The following THSD4 variants were observed in gnomAD, a reference collection of about 807,000 sequenced individuals.
The protein encoded by THSD4 is thrombospondin type-1 domain-containing protein 4.
In THSD4, 69 loss-of-function variants were observed where a neutral mutation model predicts 119.0. The observed-to-expected ratio is 0.58, with a 90% CI of 0.48 to 0.71. The LOEUF (loss-of-function observed/expected upper bound fraction) is 0.71. Among genes scored for constraint, THSD4 ranks in the 30% least tolerant of loss-of-function variants. The pLI is 0.00. For synonymous variants in THSD4, 524 were observed against 540.4 expected, an observed-to-expected ratio of 0.97 and a Z score of 0.42; for missense variants, 1,393 against 1,391.1, an observed-to-expected ratio of 1.00 and a Z score of -0.02.
chr15:71,705,002 C>A (rs1439287069), intron 8 of THSD4, among the ~76,000 whole-genome samples: 1 of 152,120 alleles, frequency 6.6e-6, no homozygotes, highest in Non-Finnish European at 1.5e-5. Context: ...ATGAAGTGAT[C>A]AAGGGTGGAG....
Position 71,426,039 on chromosome 15 carries a change from C to T in THSD4, c.1152+14216C>T, listed in dbSNP as rs575775037. On this transcript the variant is annotated intron_variant, in intron 7 of 17. Transcript: ENST00000261862. Reference sequence around the variant, plus strand: ...GTGTGAGTGCATGCTCCCATGGTGCCTTCTGGTGAAGGGAAAGAAGCCGCC... The same window carrying T: ...GTGTGAGTGCATGCTCCCATGGTGCTTTCTGGTGAAGGGAAAGAAGCCGCC... Among the ~76,000 whole-genome samples the T allele has an allele frequency of 4.4e-3, 677 of 152,244 alleles. 5 individuals are homozygous for T. The highest frequency in any genetic ancestry group is 0.02 in the Middle Eastern group (6 of 294).
chr15:71,582,352 ATTTG>A (rs1384407352), intron 7 of THSD4, among the ~76,000 whole-genome samples: 2 of 152,090 alleles, frequency 1.3e-5, no homozygotes, highest in African/African-American at 4.8e-5. Flanking sequence ...ACTTTATTGA[ATTTG>A]TTTATTAGTT....
chr15:71,373,749 A>C (rs994699419), intron 6 of THSD4, among the ~76,000 whole-genome samples: 3 of 152,150 alleles, frequency 2.0e-5, no homozygotes, highest in Non-Finnish European at 2.9e-5. Context: ...TCTGCTTCCA[A>C]AATCTGTGAC....
At chr15:71,330,687 A>G (rs1435606015) in intron 6 of THSD4, among the ~76,000 whole-genome samples, 2 of 152,102 alleles carry the variant, frequency 1.3e-5, no homozygotes, top group African/African-American at 4.8e-5. Context: ...GCCCCTCTCA[A>G]TTCTTCCAGG....
chr15:71,280,295 C>T (rs1214641200), intron 6 of THSD4, among the ~76,000 whole-genome samples: 1 of 152,118 alleles, frequency 6.6e-6, no homozygotes, highest in Non-Finnish European at 1.5e-5. Context: ...GGGCCTCAAA[C>T]AGGAGGCTAA....
At chr15:71,690,052 A>AT (rs1380796089) in intron 8 of THSD4, among the ~76,000 whole-genome samples, 2 of 152,120 alleles carry the variant, frequency 1.3e-5, no homozygotes, top group African/African-American at 4.8e-5. Flanking sequence ...TCCAATTAAG[A>AT]TTTTTTATCC....
intron 6 of THSD4, among the ~76,000 whole-genome samples, chr15:71,395,228 G>T (rs1222809202): frequency 1.3e-5 from 2 of 152,146 alleles, no homozygotes; most frequent in African/African-American, 4.8e-5. Flanking sequence ...AAAGTCACTT[G>T]TTAGTGGGTT....
intron 7 of THSD4, among the ~76,000 whole-genome samples, chr15:71,452,520 CA>C (rs71281967): frequency 0.12 from 9,294 of 78,996 alleles, 311 homozygotes; most frequent in Non-Finnish European, 0.13. Flanking sequence ...TCCCCTCCAC[CA>C]AAAAAAAAAA....
chr15:71,115,862 C>A lies in THSD4; in HGVS notation c.-80+164C>A, dbSNP rs1174342387. ...GCGCCGCGGGCTGCGCCGCTCCGGG[C>A]TCGGGGAGCCAGCGCGCGCCTGGTC... On this transcript the variant is annotated intron_variant, in intron 1 of 17. Transcript: ENST00000261862. The surrounding 1 kb of genome is among the most constrained non-coding windows in gnomAD (Gnocchi z 4.4). Among the ~76,000 whole-genome samples, 3 of 151,888 alleles carry A rather than the reference C, an allele frequency of 2.0e-5. No homozygotes were observed. Among genetic ancestry groups the A allele is most frequent in the African/African-American group, 4.8e-5 (2 of 41,424 alleles).
chr15:71,385,427 G>C lies in THSD4; in HGVS notation c.1016-26260G>C, dbSNP rs1243828661. The stretch of plus-strand genomic sequence containing the variant: ...TAAGAGTTTAATAGAGCAAAGAACA[G>C]TTTGTGAATCGGGTAGCCCTCAGAA... On this transcript the variant is annotated intron_variant, in intron 6 of 17. Coordinates refer to ENST00000261862, the MANE Select transcript of THSD4 (RefSeq NM_024817.3). Among the ~76,000 whole-genome samples the C allele has an allele frequency of 3.3e-5, 5 of 152,190 alleles. No individual in the cohort carries two copies. The East Asian group carries it at 7.7e-4, about 23-fold the overall frequency.
At chr15:71,654,600 C>A (rs2140986120) in intron 7 of THSD4, among the ~76,000 whole-genome samples, 1 of 152,288 alleles carries the variant, frequency 6.6e-6, no homozygotes, top group South Asian at 2.1e-4. Context: ...ACATGCCTAA[C>A]AGTAATAACA....
rs2052910773 is a variant in THSD4, at chr15:71,728,589, C to A, written c.1398C>A (p.Asn466Lys). The part of the protein sequence containing the change: ...SRSGRSIING[N>K]WAIDRPGKYE... ...CTGGACGCTCCATCATCAATGGGAA[C>A]TGGGCAATTGATCGACCAGGAAAAT... The change falls in exon 9 of 18, where the codon AAC becomes AAA. Residue 466 changes from asparagine (N) to lysine (K), a missense_variant. By Grantham distance (94) the Asn-to-Lys change is moderately conservative. Transcript: ENST00000261862. 2 of 1,614,108 alleles carry A rather than the reference C, an allele frequency of 1.2e-6. No individual in the cohort carries two copies. The highest frequency in any genetic ancestry group is 1.7e-6 in the Non-Finnish European group (2 of 1,180,054).
At chr15:71,670,320 A>G (rs1443614494) in intron 8 of THSD4, among the ~76,000 whole-genome samples, 1 of 151,976 alleles carries the variant, frequency 6.6e-6, no homozygotes, top group Non-Finnish European at 1.5e-5. Flanking sequence ...TATGAGTAAG[A>G]ACATGCGGTG....
chr15:71,346,618 A>C (rs1014556992), intron 6 of THSD4, among the ~76,000 whole-genome samples: 1 of 152,138 alleles, frequency 6.6e-6, no homozygotes, highest in African/African-American at 2.4e-5. Context: ...CCATTTTTCC[A>C]AGGAGCCCTC....
chr15:71,473,216 C>A (rs2047608638), intron 7 of THSD4, among the ~76,000 whole-genome samples: 1 of 152,056 alleles, frequency 6.6e-6, no homozygotes, highest in Non-Finnish European at 1.5e-5. Flanking sequence ...CACTACCACA[C>A]CTGGCTAATT....
intron 7 of THSD4, among the ~76,000 whole-genome samples, chr15:71,524,253 C>G (rs1567020591): frequency 6.6e-6 from 1 of 152,224 alleles, no homozygotes; most frequent in Non-Finnish European, 1.5e-5. Context: ...CAGGGACTGA[C>G]ACCAGTAACT....
At position 71,778,793 on chromosome 15, in the gene THSD4, T is replaced by C. The variant is rs1319087272; in HGVS notation, c.*1419T>C. The C allele has an allele frequency of 6.6e-6, 1 of 152,092 alleles. No homozygotes were observed. Among genetic ancestry groups the C allele is most frequent in the Non-Finnish European group, 1.5e-5 (1 of 68,080 alleles). The allele number at this position is 152,092 out of a possible 1,614,324, so 9.4% of individuals were successfully genotyped here. On this transcript the variant is annotated 3_prime_UTR_variant, in exon 18 of 18. Transcript: ENST00000261862. ...CCCTTCCCCATCTCTTCCAATTCAC[T>C]TTCCCCAACTATCCAGTTCCAGAGG...
chr15:71,371,373 T>G (rs1465414700), intron 6 of THSD4, among the ~76,000 whole-genome samples: 1 of 152,222 alleles, frequency 6.6e-6, no homozygotes, highest in African/African-American at 2.4e-5. Flanking sequence ...CTTCCTAGCA[T>G]CGATGGTCTT....
At chr15:71,697,908 A>T (rs2052198076) in intron 8 of THSD4, among the ~76,000 whole-genome samples, 1 of 149,378 alleles carries the variant, frequency 6.7e-6, no homozygotes, top group South Asian at 2.1e-4. Context: ...GGAACATGGT[A>T]GAAATAATCC....
Sources: allele counts gnomAD v4.1 joint callset (sites outside exome capture counted in the v4.1 genomes callset), GRCh38; gene constraint gnomAD v4.1.1; non-coding constraint Gnocchi (gnomAD v3.1); transcripts MANE v1.5; gene names NCBI Gene and HGNC (gene_info 2026-07-23, HGNC 2026-07-21).